TRAF2: variants seen among roughly 807,000 people sequenced by gnomAD.
TRAF2 encodes the protein TNF receptor-associated factor 2.
Under a neutral mutation model 55.6 loss-of-function variants are expected in TRAF2, and 6 were observed. The ratio of observed to expected loss-of-function variants is 0.11; its 90% CI spans 0.06 to 0.21. The LOEUF (loss-of-function observed/expected upper bound fraction) is 0.21. Among genes scored for constraint, TRAF2 ranks in the 10% least tolerant of loss-of-function variants. The pLI is 1.00. For missense variants in TRAF2, 561 were observed against 684.5 expected (o/e 0.82, Z 2.01); for synonymous variants, 329 against 276.3 (o/e 1.19, Z -1.89).
chr9:136,912,835 T>TA, intron 6 of TRAF2, among the ~76,000 whole-genome samples: 1 of 152,080 alleles, frequency 6.6e-6, no homozygotes, highest in South Asian at 2.1e-4. Flanking sequence ...AGAGCCTGTC[T>TA]AAAAAAACAA....
intron 6 of TRAF2, among the ~76,000 whole-genome samples, chr9:136,913,491 G>A (rs1358121942): frequency 6.6e-6 from 1 of 151,466 alleles, no homozygotes; most frequent in East Asian, 2.0e-4. Flanking sequence ...TAGAGACGGG[G>A]TTTCACTATG....
intron 10 of TRAF2, 97 bp from the exon 11 acceptor site, chr9:136,925,586 G>A (rs943854225): frequency 5.5e-6 from 7 of 1,268,012 alleles, no homozygotes; most frequent in East Asian, 2.4e-5. Context: ...TCCTGGGATG[G>A]CCTCCTGCTG....
At chr9:136,899,496 CTG>C (rs1484098432) in intron 2 of TRAF2, 96 bp from the exon 3 acceptor site, 79 of 1,076,184 alleles carry the variant, frequency 7.3e-5, no homozygotes, top group Non-Finnish European at 9.2e-5. Context: ...AAAGTTTAAA[CTG>C]TGGTGTGGAG....
chr9:136,882,877 A>G, upstream of TRAF2: 1 of 359,716 alleles, frequency 2.8e-6, no homozygotes, highest in Non-Finnish European at 3.9e-6. Context: ...CTGTCATCAC[A>G]ATCAATATTA....
chr9:136,891,990 T>C (rs17250764), intron 1 of TRAF2, among the ~76,000 whole-genome samples: 4,295 of 151,002 alleles, frequency 0.028, 82 homozygotes, highest in Non-Finnish European at 0.041. Context: ...AGTGCTGGGA[T>C]TACAGGCATG....
At chr9:136,907,976 G>C in intron 4 of TRAF2, 94 bp from the exon 5 acceptor site, 1 of 1,494,930 alleles carries the variant, frequency 6.7e-7, no homozygotes, top group Non-Finnish European at 9.0e-7. Context: ...CGGACACCAA[G>C]CCAGCGCTAC....
chr9:136,902,411 T>C (rs1849842699), intron 4 of TRAF2: 1 of 152,302 alleles, frequency 6.6e-6, no homozygotes. Context: ...GATAATAGTT[T>C]CCAGCTCTGC....
At chr9:136,908,928 C>G (rs1440414586) in intron 5 of TRAF2, among the ~76,000 whole-genome samples, 1 of 143,662 alleles carries the variant, frequency 7.0e-6, no homozygotes, top group African/African-American at 2.6e-5. Context: ...ATTCCAGCTA[C>G]TCGGGAGGCT....
intron 9 of TRAF2, 39 bp from the exon 10 acceptor site, chr9:136,923,813 T>C (rs1488347473): frequency 3.1e-6 from 5 of 1,605,338 alleles, no homozygotes; most frequent in African/African-American, 2.7e-5. Flanking sequence ...CCGCCCTTGC[T>C]GAGTGTCAGC....
rs1564424578 is a variant in TRAF2, at chr9:136,925,772, A to G, written c.1377A>G (p.Pro459=). ...PDVTSSSFQR[P]VNDMNIASGC... ...TGACTTCATCCTCTTTTCAGAGGCCAGTCAACGACATGAACATCGCAAGCG... is the reference window on the plus strand; with the variant it reads ...TGACTTCATCCTCTTTTCAGAGGCCGGTCAACGACATGAACATCGCAAGCG... The change falls in exon 11 of 11, where the codon CCA becomes CCG. Residue 459 remains proline, a synonymous_variant. Coordinates refer to ENST00000247668, the MANE Select transcript of TRAF2 (RefSeq NM_021138.4). 6.2e-7 allele frequency: 1 copy of G among 1,614,262 alleles called. No individual in the cohort carries two copies. The highest frequency in any genetic ancestry group is 8.5e-7 in the Non-Finnish European group (1 of 1,180,050).
At chr9:136,907,743 G>A (rs572413671) in intron 4 of TRAF2, among the ~76,000 whole-genome samples, 2 of 152,306 alleles carry the variant, frequency 1.3e-5, no homozygotes, top group African/African-American at 4.8e-5. Flanking sequence ...GGACCCGCTG[G>A]CGCAGAGCAG....
At chr9:136,893,419 C>T (rs1849619587) in intron 1 of TRAF2, among the ~76,000 whole-genome samples, 1 of 152,238 alleles carries the variant, frequency 6.6e-6, no homozygotes, top group Non-Finnish European at 1.5e-5. Context: ...AGTCTCGTCA[C>T]AGTTTCTCAA....
chr9:136,894,679 C>A (rs1849645940), intron 1 of TRAF2, among the ~76,000 whole-genome samples: 1 of 152,024 alleles, frequency 6.6e-6, no homozygotes, highest in Non-Finnish European at 1.5e-5. Flanking sequence ...TCCTAGGGAG[C>A]CCTCAGTGAG....
upstream of TRAF2, chr9:136,882,754 G>A: frequency 1.0e-6 from 1 of 985,656 alleles, no homozygotes; most frequent in Middle Eastern, 5.2e-4. Context: ...GAGTCCCCAG[G>A]CCAAGGTGTC....
chr9:136,899,822 T>A, intron 3 of TRAF2, 150 bp downstream of exon 3: 1 of 667,808 alleles, frequency 1.5e-6, no homozygotes, highest in Non-Finnish European at 2.4e-6. Flanking sequence ...TCCAGGAGTT[T>A]GAGACCAGCC....
At chr9:136,890,131 C>T (rs1294939962) in intron 1 of TRAF2, among the ~76,000 whole-genome samples, 2 of 139,894 alleles carry the variant, frequency 1.4e-5, no homozygotes, top group Admixed American at 7.2e-5. Flanking sequence ...CCCCACTGCA[C>T]GCTCGTTCAG....
rs552998320 is a variant in TRAF2, at chr9:136,920,351, T to G, written c.796T>G (p.Ser266Ala). Residue 266 changes from serine (S) to alanine (A), a missense_variant, in exon 8 of 11, where the codon TCA becomes GCA. Around this residue, in one of 2 missense-constraint regions of TRAF2, gnomAD observed 426 missense variants for 476.8 expected, o/e 0.89. Transcript: ENST00000247668. The part of the protein sequence containing the change: ...PLLGDQSHAG[S>A]ELLQRCESLE... ...CTTGGGAGACCAGAGCCACGCGGGG[T>G]CAGAGCTCCTGCAGAGGTGCGAGAG... 1 of 1,614,004 alleles carries G rather than the reference T, an allele frequency of 6.2e-7. No homozygotes were observed. Among genetic ancestry groups the G allele is most frequent in the East Asian group, 2.2e-5 (1 of 44,880 alleles).
chr9:136,894,798 G>A (rs1849648056), intron 1 of TRAF2, among the ~76,000 whole-genome samples: 1 of 152,150 alleles, frequency 6.6e-6, no homozygotes, highest in Non-Finnish European at 1.5e-5. Context: ...GCCTGTGATT[G>A]GACAAGGAAT....
intron 1 of TRAF2, among the ~76,000 whole-genome samples, chr9:136,894,047 CTTTTTT>C (rs11415604): frequency 8.6e-6 from 1 of 116,836 alleles, no homozygotes; most frequent in Non-Finnish European, 1.7e-5. Flanking sequence ...TGCGCCTGGC[CTTTTTT>C]TTTTTTTTTT....
Sources: gnomAD v4.1 joint callset for allele counts (sites outside exome capture counted in the v4.1 genomes callset) on GRCh38, gnomAD v4.1.1 for gene constraint, gnomAD v4.1.1 regional missense constraint, MANE v1.5 for transcripts, NCBI Gene and HGNC (gene_info 2026-07-23, HGNC 2026-07-21) for gene names.